GSE1: variants seen among roughly 807,000 people sequenced by gnomAD.
GSE1 encodes the protein genetic suppressor element 1.
In GSE1, 32 loss-of-function variants were observed where a neutral mutation model predicts 112.6. That is an observed-to-expected ratio of 0.28 (90% CI 0.21 to 0.38). The LOEUF (loss-of-function observed/expected upper bound fraction) is 0.38. Among genes scored for constraint, GSE1 ranks in the 10% least tolerant of loss-of-function variants. GSE1 has a pLI of 1.00. For missense variants in GSE1, 2,348 were observed against 1,699.2 expected, an observed-to-expected ratio of 1.38 and a Z score of -6.71; for synonymous variants, 1,115 against 735.6, an observed-to-expected ratio of 1.52 and a Z score of -8.35.
At chr16:85,552,151 C>A (rs999098135), upstream of GSE1, among the ~76,000 whole-genome samples, 9 of 151,672 alleles carry the variant, frequency 5.9e-5, no homozygotes, top group South Asian at 2.1e-4. Flanking sequence ...TCAGCCTCCC[C>A]AGAAGCTGGG....
chr16:85,218,195 C>A (rs1437227805), intron 1 of GSE1, among the ~76,000 whole-genome samples: 1 of 152,166 alleles, frequency 6.6e-6, no homozygotes. Flanking sequence ...AATCACCACG[C>A]CTGGCTCGTT....
At chr16:85,657,993 T>A (rs2052113084) in intron 8 of GSE1, among the ~76,000 whole-genome samples, 1 of 152,236 alleles carries the variant, frequency 6.6e-6, no homozygotes, top group Non-Finnish European at 1.5e-5. Context: ...GACTTCTTTT[T>A]TTAACAAGAA....
chr16:85,621,970 GACTGCCAGCTCCCA>G lies in GSE1; in HGVS notation c.7+8575_7+8588del, dbSNP rs576283907. Among the ~76,000 whole-genome samples the G allele has an allele frequency of 2.0e-5, 3 of 152,330 alleles. No homozygotes were observed. The South Asian group carries it at 6.2e-4, about 32-fold the overall frequency. On this transcript the variant is annotated intron_variant, in intron 1 of 15. Transcript: ENST00000253458. Reference sequence around the variant, plus strand: ...CTTTGTTACCAGTCTTGGTGGCAGAGACTGCCAGCTCCCAACAGCCAGGTCTGCACCTGACTGGG... The same window carrying G: ...CTTTGTTACCAGTCTTGGTGGCAGAGACAGCCAGGTCTGCACCTGACTGGG...
rs570866918 is a variant in GSE1, at chr16:85,301,145, G to A, written c.2284-56318G>A. Among the ~76,000 whole-genome samples the A allele has an allele frequency of 1.6e-4, 24 of 152,302 alleles. No homozygotes were observed. In the South Asian group the frequency reaches 3.9e-3, roughly 25 times the overall value. On this transcript the variant is annotated intron_variant, in intron 1 of 2. Coordinates refer to the GSE1 transcript ENST00000637419. ...GGCGCTCCCTCTCCCATCACATGGC[G>A]CCGTGGTGGTCAGTGTCAGGGCGGT...
intron 1 of GSE1, among the ~76,000 whole-genome samples, chr16:85,627,686 C>T (rs1045247490): frequency 6.6e-5 from 10 of 152,148 alleles, no homozygotes; most frequent in African/African-American, 9.7e-5. Context: ...CCCGGCCCCC[C>T]GGCCCTCATC....
intron 2 of GSE1, among the ~76,000 whole-genome samples, chr16:85,500,855 C>CCTTCTGGCG: frequency 6.6e-6 from 1 of 152,310 alleles, no homozygotes; most frequent in Non-Finnish European, 1.5e-5. Context: ...GATCCTTCTT[C>CCTTCTGGCG]GCCCCTTCCA....
Position 85,366,192 on chromosome 16 carries a change from C to T in GSE1, c.2464+8549C>T, listed in dbSNP as rs150193235. 6.4e-4 allele frequency among the ~76,000 whole-genome samples: 97 copies of T among 152,390 alleles called. 1 individual carries two copies. The highest frequency in any genetic ancestry group is 3.4e-3 in the Middle Eastern group (1 of 294). On this transcript the variant is annotated intron_variant, in intron 2 of 2. Transcript: ENST00000637419. Reference sequence around the variant, plus strand: ...TGGTAAGCCTTGCCTGTAGCGGCTCCGCTGCCGAGTGCTTTGACACCAGGC... The same window carrying T: ...TGGTAAGCCTTGCCTGTAGCGGCTCTGCTGCCGAGTGCTTTGACACCAGGC...
intron 1 of GSE1, among the ~76,000 whole-genome samples, chr16:85,627,076 T>TTTTTTTTTC (rs1567674909): frequency 9.3e-6 from 1 of 107,858 alleles, no homozygotes; most frequent in African/African-American, 3.8e-5. Flanking sequence ...TTTTTTTTTT[T>TTTTTTTTTC]AAAGCATTGT....
chr16:85,491,718 C>G (rs1192458718), intron 2 of GSE1, among the ~76,000 whole-genome samples: 1 of 151,450 alleles, frequency 6.6e-6, no homozygotes, highest in African/African-American at 2.4e-5. Flanking sequence ...GCTGGTACCC[C>G]GAGTCCTCCT....
intron 1 of GSE1, among the ~76,000 whole-genome samples, chr16:85,248,871 C>G (rs367696338): frequency 1.8e-4 from 28 of 152,198 alleles, no homozygotes; most frequent in African/African-American, 6.8e-4. Context: ...ATTGGACCAG[C>G]CTGCATGGGC....
chr16:85,212,530 G>C (rs567017337), intron 1 of GSE1, among the ~76,000 whole-genome samples: 1 of 152,212 alleles, frequency 6.6e-6, no homozygotes, highest in East Asian at 1.9e-4. Flanking sequence ...GAGGATGACC[G>C]TGTAAGGACA....
intron 2 of GSE1, among the ~76,000 whole-genome samples, chr16:85,534,867 G>A (rs775508679): frequency 1.7e-4 from 26 of 152,202 alleles, no homozygotes; most frequent in Non-Finnish European, 2.5e-4. Flanking sequence ...CCGTGGTAGC[G>A]ATTTAGCGAT....
chr16:85,629,063 C>G (rs907389440), intron 1 of GSE1, among the ~76,000 whole-genome samples: 1 of 152,188 alleles, frequency 6.6e-6, no homozygotes, highest in Non-Finnish European at 1.5e-5. Context: ...GGGACCTCCC[C>G]ACTCTTGCTC....
At chr16:85,175,932 T>C (rs1198761868) in intron 1 of GSE1, among the ~76,000 whole-genome samples, 2 of 152,212 alleles carry the variant, frequency 1.3e-5, no homozygotes, top group Non-Finnish European at 2.9e-5. Flanking sequence ...GCGTCGGGCC[T>C]GAGTCCAGCT....
chr16:85,538,407 G>A (rs79354873), intron 2 of GSE1, among the ~76,000 whole-genome samples: 34 of 152,298 alleles, frequency 2.2e-4, no homozygotes, highest in South Asian at 4.2e-4. Context: ...CAGTGCGGCA[G>A]GGAGTTTACA....
At chr16:85,589,534 G>C (rs1447854928) in intron 1 of GSE1, among the ~76,000 whole-genome samples, 1 of 152,178 alleles carries the variant, frequency 6.6e-6, no homozygotes, top group Non-Finnish European at 1.5e-5. Context: ...GGGGGTCCCT[G>C]GTATTTGTTT....
intron 2 of GSE1, among the ~76,000 whole-genome samples, chr16:85,428,251 C>T (rs780587701): frequency 9.9e-5 from 15 of 152,196 alleles, no homozygotes; most frequent in Admixed American, 2.0e-4. Flanking sequence ...CGGCCCTGGG[C>T]TCCTGACCTG....
intron 2 of GSE1, among the ~76,000 whole-genome samples, chr16:85,539,175 T>C (rs2151202411): frequency 6.6e-6 from 1 of 152,360 alleles, no homozygotes; most frequent in Non-Finnish European, 1.5e-5. Context: ...TTCCTCGTTA[T>C]TCCCAGCTGG....
intron 1 of GSE1, among the ~76,000 whole-genome samples, chr16:85,227,328 AG>A (rs2075506406): frequency 6.6e-6 from 1 of 152,206 alleles, no homozygotes; most frequent in South Asian, 2.1e-4. Flanking sequence ...TTCTCAGTGA[AG>A]GCTACTGCAC....
Sources: gnomAD v4.1 joint callset for allele counts (sites outside exome capture counted in the v4.1 genomes callset) on GRCh38, gnomAD v4.1.1 for gene constraint, MANE v1.5 for transcripts, NCBI Gene and HGNC (gene_info 2026-07-23, HGNC 2026-07-21) for gene names.